Variants in MACROD2 observed in about 807,000 individuals in gnomAD.
MACROD2 encodes the protein ADP-ribose glycohydrolase MACROD2.
A neutral mutation model predicts 70.4 loss-of-function variants in MACROD2; 36 were observed. The ratio of observed to expected loss-of-function variants is 0.51; its 90% CI spans 0.39 to 0.68. The LOEUF is 0.68. Among genes scored for constraint, MACROD2 ranks in the 30% least tolerant of loss-of-function variants. MACROD2 has a pLI of 0.00. For synonymous variants in MACROD2, 172 were observed against 178.8 expected (o/e 0.96, Z 0.30); for missense variants, 496 against 538.4 (o/e 0.92, Z 0.78).
chr20:15,275,384 G>T (rs1281580331), intron 6 of MACROD2, among the ~76,000 whole-genome samples: 3 of 152,160 alleles, frequency 2.0e-5, no homozygotes, highest in Non-Finnish European at 1.5e-5. Flanking sequence ...TAAGGAGGGG[G>T]GTAATTAGTA....
At chr20:15,367,077 G>T (rs1035305587) in intron 6 of MACROD2, among the ~76,000 whole-genome samples, 8 of 150,380 alleles carry the variant, frequency 5.3e-5, no homozygotes, top group African/African-American at 2.0e-4. Context: ...GCCCAGGCTG[G>T]AGTGCAGTGG....
chr20:14,188,102 T>C (rs570358577), intron 3 of MACROD2, among the ~76,000 whole-genome samples: 2 of 152,294 alleles, frequency 1.3e-5, no homozygotes, highest in South Asian at 4.1e-4. Context: ...AAAGGGTATA[T>C]GCTTTAACCT....
At chr20:16,015,675 C>T (rs914758509) in intron 15 of MACROD2, among the ~76,000 whole-genome samples, 1 of 152,110 alleles carries the variant, frequency 6.6e-6, no homozygotes, top group Non-Finnish European at 1.5e-5. Context: ...ATAGAATTTA[C>T]ATTTTTCATT....
intron 5 of MACROD2, among the ~76,000 whole-genome samples, chr20:15,051,909 G>A (rs879930071): frequency 3.3e-5 from 5 of 151,942 alleles, no homozygotes; most frequent in Non-Finnish European, 7.4e-5. Flanking sequence ...GCGCCACTAC[G>A]TCCAGCTAAT....
chr20:15,529,373 G>A (rs947490518), intron 8 of MACROD2, among the ~76,000 whole-genome samples: 1 of 151,426 alleles, frequency 6.6e-6, no homozygotes, highest in East Asian at 1.9e-4. Context: ...TAATTATTTT[G>A]CTCCTTTATA....
At chr20:15,115,387 G>T (rs1188517945) in intron 5 of MACROD2, among the ~76,000 whole-genome samples, 1 of 152,096 alleles carries the variant, frequency 6.6e-6, no homozygotes. Context: ...GCACCACCAT[G>T]CCCAGCTAAT....
At chr20:14,166,898 G>A (rs376406135) in intron 3 of MACROD2, among the ~76,000 whole-genome samples, 4 of 152,110 alleles carry the variant, frequency 2.6e-5, no homozygotes, top group Admixed American at 1.3e-4. Flanking sequence ...GTTTACTTCA[G>A]CATATTGCTT....
chr20:15,911,401 C>A (rs2065235545), intron 10 of MACROD2, among the ~76,000 whole-genome samples: 1 of 152,214 alleles, frequency 6.6e-6, no homozygotes, highest in Admixed American at 6.5e-5. Context: ...GTTAGGAGGA[C>A]ATAATGTCAT....
At chr20:15,032,632 T>C (rs1232218285) in intron 5 of MACROD2, among the ~76,000 whole-genome samples, 1 of 152,230 alleles carries the variant, frequency 6.6e-6, no homozygotes, top group Non-Finnish European at 1.5e-5. Flanking sequence ...ATTTAAAAAC[T>C]GTACCTTCAG....
At chr20:14,969,137 A>G (rs532752565) in intron 5 of MACROD2, among the ~76,000 whole-genome samples, 1 of 151,580 alleles carries the variant, frequency 6.6e-6, no homozygotes, top group East Asian at 1.9e-4. Context: ...ATCAGGTCAC[A>G]AAATTATAGC....
chr20:15,192,949 G>A (rs577003473), intron 5 of MACROD2, among the ~76,000 whole-genome samples: 15 of 152,274 alleles, frequency 9.9e-5, no homozygotes, highest in African/African-American at 3.6e-4. Flanking sequence ...AAAACACACT[G>A]CTAAGCTATT....
At chr20:15,479,865 C>A (rs2047073665) in intron 7 of MACROD2, among the ~76,000 whole-genome samples, 1 of 152,180 alleles carries the variant, frequency 6.6e-6, no homozygotes, top group South Asian at 2.1e-4. Context: ...CACCCACCGA[C>A]TGTCAAAATG....
chr20:15,195,228 A>G (rs1025068631), intron 5 of MACROD2, among the ~76,000 whole-genome samples: 1 of 152,238 alleles, frequency 6.6e-6, no homozygotes, highest in Non-Finnish European at 1.5e-5. Context: ...GCAAAAATTG[A>G]CAAATGGGGT....
intron 6 of MACROD2, among the ~76,000 whole-genome samples, chr20:15,427,140 C>T (rs535340515): frequency 1.3e-5 from 2 of 152,298 alleles, no homozygotes; most frequent in South Asian, 4.1e-4. Context: ...CTATTTCCAT[C>T]TCTGCTTTAT....
intron 6 of MACROD2, among the ~76,000 whole-genome samples, chr20:15,371,183 G>A (rs2045486444): frequency 6.6e-6 from 1 of 152,024 alleles, no homozygotes; most frequent in Non-Finnish European, 1.5e-5. Context: ...TTTCACTGTT[G>A]AACTTGATAA....
chr20:14,148,836 G>A (rs147073749), intron 3 of MACROD2, among the ~76,000 whole-genome samples: 2 of 152,260 alleles, frequency 1.3e-5, no homozygotes, highest in African/African-American at 4.8e-5. Context: ...TCTTTGTTCA[G>A]GGTCTTTGTG....
At chr20:14,003,532 T>G in intron 2 of MACROD2, 1 of 294,964 alleles carries the variant, frequency 3.4e-6, no homozygotes, top group South Asian at 3.8e-5. Flanking sequence ...GCAAGTTGTT[T>G]TAAGAATGGT....
intron 8 of MACROD2, among the ~76,000 whole-genome samples, chr20:15,826,286 T>TA (rs1251521732): frequency 2.0e-5 from 3 of 152,152 alleles, no homozygotes; most frequent in Non-Finnish European, 2.9e-5. Flanking sequence ...GATAAGGGAA[T>TA]ACGCATGGGG....
chr20:14,155,731 CTT>C (rs890660601), intron 3 of MACROD2, among the ~76,000 whole-genome samples: 25 of 151,906 alleles, frequency 1.6e-4, no homozygotes, highest in African/African-American at 1.5e-4. Context: ...TTTTAGAAAA[CTT>C]TTAAAATTCA....
Sources: allele counts gnomAD v4.1 joint callset (sites outside exome capture counted in the v4.1 genomes callset), GRCh38; gene constraint gnomAD v4.1.1; transcripts MANE v1.5; gene names NCBI Gene and HGNC (gene_info 2026-07-23, HGNC 2026-07-21).